Variants in RNLS observed in about 807,000 individuals in gnomAD.
The protein encoded by RNLS is renalase, FAD dependent amine oxidase, also known as renalase.
In RNLS, 39 loss-of-function variants were observed where a neutral mutation model predicts 39.8. The observed-to-expected ratio is 0.98, with a 90% confidence interval of 0.76 to 1.28. The LOEUF is 1.28. RNLS is among the 50% of genes most tolerant of loss of function. The pLI is 0.00. For missense variants in RNLS, 410 were observed against 413.3 expected, an observed-to-expected ratio of 0.99 and a Z score of 0.07; for synonymous variants, 147 against 150.7, an observed-to-expected ratio of 0.98 and a Z score of 0.18.
At chr10:88,273,861 A>T (rs916539711), downstream of RNLS, 1 of 151,468 alleles carries the variant, frequency 6.6e-6, no homozygotes, top group African/African-American at 2.4e-5. Context: ...AGGTTAAAAA[A>T]TTACGTTTCA....
chr10:88,384,792 A>G (rs992816277), intron 4 of RNLS, among the ~76,000 whole-genome samples: 1 of 152,214 alleles, frequency 6.6e-6, no homozygotes, highest in East Asian at 1.9e-4. Context: ...AATCTATGCT[A>G]TTGAGTTGAC....
chr10:88,256,885 CCTT>C, the RNLS span, among the ~76,000 whole-genome samples: 1 of 152,144 alleles, frequency 6.6e-6, no homozygotes, highest in African/African-American at 2.4e-5. Flanking sequence ...AATAGTTCCT[CCTT>C]CGTTTTTTAA....
At chr10:88,326,599 T>G (rs11202715) in intron 5 of RNLS, among the ~76,000 whole-genome samples, 44,998 of 152,070 alleles carry the variant, frequency 0.3, 8,640 homozygotes, top group African/African-American at 0.54. Flanking sequence ...TTGGAACTTA[T>G]GTTTAAAAGG....
chr10:88,197,395 G>T, the RNLS span, among the ~76,000 whole-genome samples: 2 of 152,076 alleles, frequency 1.3e-5, no homozygotes, highest in Admixed American at 1.3e-4. Context: ...ACTTCCTGGG[G>T]CCCGGCTGTT....
intron 4 of RNLS, among the ~76,000 whole-genome samples, chr10:88,371,420 A>G (rs1020191113): frequency 3.9e-5 from 6 of 152,186 alleles, no homozygotes; most frequent in African/African-American, 1.4e-4. Context: ...GCACGGCTAC[A>G]CTTCACTTTT....
At chr10:88,177,734 G>A in the RNLS span, among the ~76,000 whole-genome samples, 3 of 152,130 alleles carry the variant, frequency 2.0e-5, no homozygotes, top group African/African-American at 2.4e-5. Context: ...AGTTGCTTTC[G>A]CAGGGAAAGA....
rs75981150 is a variant in RNLS, at chr10:88,364,556, A to G, written c.527-1831T>C. Among the ~76,000 whole-genome samples, 239 of 152,250 alleles carry G rather than the reference A, an allele frequency of 1.6e-3. 6 individuals are homozygous for G. The East Asian group carries it at 0.041, about 26-fold the overall frequency. ...TAGAGCTCCCATATTAGAGTTACAC[A>G]TATATTCTTACTACCCTATACTTTC... On this transcript the variant is annotated intron_variant, in intron 4 of 6. Coordinates refer to ENST00000331772, the MANE Select transcript of RNLS (RefSeq NM_001031709.3).
intron 4 of RNLS, among the ~76,000 whole-genome samples, chr10:88,507,205 T>C (rs1388056671): frequency 6.6e-6 from 1 of 152,022 alleles, no homozygotes; most frequent in Non-Finnish European, 1.5e-5. Context: ...CTATGAGAGA[T>C]GAAATATAAA....
chr10:88,564,924 T>C (rs1352128708), intron 4 of RNLS, among the ~76,000 whole-genome samples: 1 of 152,112 alleles, frequency 6.6e-6, no homozygotes, highest in Non-Finnish European at 1.5e-5. Flanking sequence ...CACTCTATAA[T>C]GTAAAGGGAA....
intron 4 of RNLS, among the ~76,000 whole-genome samples, chr10:88,459,109 T>C (rs975084096): frequency 7.9e-5 from 12 of 151,828 alleles, no homozygotes; most frequent in Non-Finnish European, 1.3e-4. Context: ...TTTTCTTTTT[T>C]TTTTTTTTGA....
At chr10:88,275,433 A>T (rs993201345) in intron 6 of RNLS, among the ~76,000 whole-genome samples, 1 of 152,214 alleles carries the variant, frequency 6.6e-6, no homozygotes, top group African/African-American at 2.4e-5. Context: ...ACTCTTGCAC[A>T]AGGGTAAAAA....
chr10:88,452,727 C>T (rs985427759), intron 4 of RNLS, among the ~76,000 whole-genome samples: 1 of 152,132 alleles, frequency 6.6e-6, no homozygotes, highest in African/African-American at 2.4e-5. Context: ...TTGCTTGAGA[C>T]AAGACCCAGG....
At chr10:88,553,858 A>G (rs1276077668) in intron 4 of RNLS, among the ~76,000 whole-genome samples, 3 of 152,190 alleles carry the variant, frequency 2.0e-5, no homozygotes, top group South Asian at 4.1e-4. Flanking sequence ...ACTTCAAGGT[A>G]GAAATCATGC....
intron 5 of RNLS, among the ~76,000 whole-genome samples, chr10:88,315,164 A>G (rs1463202210): frequency 6.6e-6 from 1 of 152,242 alleles, no homozygotes; most frequent in Non-Finnish European, 1.5e-5. Context: ...GCTTGTCCTC[A>G]TAATATTCTT....
At chr10:88,274,955 A>G (rs1282242533) in exon 7 of RNLS, 5 of 1,610,694 alleles carry the variant, frequency 3.1e-6, no homozygotes, top group Non-Finnish European at 4.2e-6. Context: ...TCCAATTTCC[A>G]GGAAGTCAGA....
At chr10:88,413,213 T>C (rs1177086285) in intron 4 of RNLS, among the ~76,000 whole-genome samples, 6 of 152,166 alleles carry the variant, frequency 3.9e-5, no homozygotes, top group African/African-American at 9.6e-5. Context: ...CTTTCTTTCT[T>C]TGATCTTTTC....
At chr10:88,191,147 C>T in the RNLS span, among the ~76,000 whole-genome samples, 10 of 152,270 alleles carry the variant, frequency 6.6e-5, no homozygotes, top group Non-Finnish European at 1.3e-4. Context: ...GCAGCTGTAG[C>T]GGTGGCTTGC....
Position 88,289,171 on chromosome 10 carries a change from A to G in RNLS, c.877-3665T>C, listed in dbSNP as rs116629995. On this transcript the variant is annotated intron_variant, in intron 6 of 6. Transcript: ENST00000331772. ...TAAATAAAGCTGAAGAAGTGGTTTT[A>G]TTTCTAAGCAATTTAAACCCATGTC... Among the ~76,000 whole-genome samples, 639 of 152,272 alleles carry G rather than the reference A, an allele frequency of 4.2e-3. 4 individuals carry two copies. The highest frequency in any genetic ancestry group is 0.014 in the African/African-American group (590 of 41,540).
chr10:88,226,229 C>T, the RNLS span, among the ~76,000 whole-genome samples: 1 of 152,164 alleles, frequency 6.6e-6, no homozygotes, highest in Admixed American at 6.5e-5. Context: ...ACATTTTTAG[C>T]CCTTTATCTA....
Sources: gnomAD v4.1 joint callset for allele counts (sites outside exome capture counted in the v4.1 genomes callset) on GRCh38, gnomAD v4.1.1 for gene constraint, MANE v1.5 for transcripts, NCBI Gene and HGNC (gene_info 2026-07-23, HGNC 2026-07-21) for gene names.